The following CDH13 variants were observed in gnomAD, a reference collection of about 807,000 sequenced individuals.
The protein encoded by CDH13 is cadherin-13.
CDH13 carries 24 observed loss-of-function variants against 63.8 expected under a neutral mutation model. That is an observed-to-expected ratio of 0.38 (90% confidence interval 0.27 to 0.53). The LOEUF (loss-of-function observed/expected upper bound fraction) is 0.53. CDH13 is among the 20% of genes least tolerant of loss of function. The pLI is 0.85. For missense variants in CDH13, 1,049 were observed against 903.1 expected, an observed-to-expected ratio of 1.16 and a Z score of -2.07; for synonymous variants, 503 against 355.3, an observed-to-expected ratio of 1.42 and a Z score of -4.67.
intron 7 of CDH13, among the ~76,000 whole-genome samples, chr16:83,489,143 A>G (rs910887216): frequency 1.3e-5 from 2 of 152,192 alleles, no homozygotes; most frequent in Non-Finnish European, 1.5e-5. Context: ...CTTTGTTCTG[A>G]GAGAAAATAT....
chr16:83,205,966 G>T (rs933989184), intron 4 of CDH13, among the ~76,000 whole-genome samples: 2 of 152,126 alleles, frequency 1.3e-5, no homozygotes, highest in South Asian at 2.1e-4. Context: ...GCGAATGTCA[G>T]TGTAGGTTGG....
chr16:83,063,565 G>T (rs1277113519), intron 3 of CDH13, among the ~76,000 whole-genome samples: 1 of 152,232 alleles, frequency 6.6e-6, no homozygotes, highest in East Asian at 1.9e-4. Context: ...TGAAGATATA[G>T]CTGTAGTTAG....
At chr16:82,849,903 C>T (rs142102344) in intron 1 of CDH13, among the ~76,000 whole-genome samples, 16 of 152,324 alleles carry the variant, frequency 1.1e-4, no homozygotes, top group African/African-American at 2.9e-4. Flanking sequence ...TTTAAGCCCA[C>T]TATTGAGAAC....
intron 1 of CDH13, among the ~76,000 whole-genome samples, chr16:82,815,693 C>T (rs1023346021): frequency 5.3e-5 from 8 of 152,152 alleles, no homozygotes; most frequent in Admixed American, 5.2e-4. Flanking sequence ...TTATTTGGAT[C>T]CTCTACCATG....
intron 2 of CDH13, among the ~76,000 whole-genome samples, chr16:82,946,645 C>G (rs1904748448): frequency 6.6e-6 from 1 of 151,656 alleles, no homozygotes; most frequent in South Asian, 2.1e-4. Context: ...TGCTTGAAAC[C>G]AGGAGGTGGA....
chr16:83,433,866 C>G (rs915986499), intron 6 of CDH13, among the ~76,000 whole-genome samples: 3 of 151,770 alleles, frequency 2.0e-5, no homozygotes, highest in Non-Finnish European at 2.9e-5. Flanking sequence ...TTTTTTTTTC[C>G]TCAGTGCAAA....
chr16:82,788,590 T>C (rs62034555), intron 1 of CDH13, among the ~76,000 whole-genome samples: 10,102 of 152,282 alleles, frequency 0.066, 356 homozygotes, highest in Middle Eastern at 0.12. Context: ...ACAACTCTAA[T>C]CTTGGAGCTC....
At chr16:83,489,851 T>A (rs2073970514) in intron 7 of CDH13, among the ~76,000 whole-genome samples, 3 of 152,316 alleles carry the variant, frequency 2.0e-5, no homozygotes, top group East Asian at 1.9e-4. Context: ...AGTATCCCAT[T>A]TGGGACCCTG....
chr16:82,926,323 T>C (rs1443228947), intron 2 of CDH13, among the ~76,000 whole-genome samples: 3 of 152,058 alleles, frequency 2.0e-5, no homozygotes, highest in African/African-American at 7.2e-5. Context: ...AAGACCATTG[T>C]TTTGCAGATC....
At chr16:82,731,379 T>C (rs779957656) in intron 1 of CDH13, among the ~76,000 whole-genome samples, 4 of 152,210 alleles carry the variant, frequency 2.6e-5, no homozygotes, top group Non-Finnish European at 5.9e-5. Flanking sequence ...TGAACTCTAG[T>C]CTAGACTTAC....
chr16:83,302,663 A>G (rs1371653738), intron 5 of CDH13, among the ~76,000 whole-genome samples: 1 of 152,192 alleles, frequency 6.6e-6, no homozygotes, highest in African/African-American at 2.4e-5. Flanking sequence ...CCTGCTTTTA[A>G]GGAGCTCATA....
At chr16:82,896,658 G>A (rs1160815593) in intron 2 of CDH13, among the ~76,000 whole-genome samples, 2 of 151,860 alleles carry the variant, frequency 1.3e-5, no homozygotes, top group African/African-American at 2.4e-5. Context: ...CAAATGAGGT[G>A]GGAGTTGGGA....
At chr16:83,061,642 G>A (rs1189335417) in intron 3 of CDH13, among the ~76,000 whole-genome samples, 1 of 152,214 alleles carries the variant, frequency 6.6e-6, no homozygotes, top group East Asian at 1.9e-4. Flanking sequence ...CACTGAAGTG[G>A]CTCATGCTGC....
chr16:83,692,114 G>A (rs539319412), intron 10 of CDH13, among the ~76,000 whole-genome samples: 10 of 152,218 alleles, frequency 6.6e-5, no homozygotes, highest in Non-Finnish European at 1.0e-4. Flanking sequence ...TGAAGCCAGA[G>A]AAGCGTGCCC....
chr16:83,279,889 A>G (rs1266733750), intron 5 of CDH13, among the ~76,000 whole-genome samples: 1 of 151,846 alleles, frequency 6.6e-6, no homozygotes, highest in South Asian at 2.1e-4. Flanking sequence ...CATTTATACT[A>G]TACTGCAATG....
At chr16:83,026,958 G>A (rs533671532) in intron 2 of CDH13, among the ~76,000 whole-genome samples, 14 of 152,246 alleles carry the variant, frequency 9.2e-5, no homozygotes, top group African/African-American at 3.4e-4. Flanking sequence ...ACGGGGTCCA[G>A]GGGCCAAGGG....
At chr16:83,620,323 G>A (rs1353583985) in intron 8 of CDH13, among the ~76,000 whole-genome samples, 3 of 150,726 alleles carry the variant, frequency 2.0e-5, no homozygotes, top group Non-Finnish European at 2.9e-5. Flanking sequence ...CCCAGGAGGC[G>A]GAGGTTGCAA....
At chr16:83,492,921 C>T (rs546903753) in intron 7 of CDH13, among the ~76,000 whole-genome samples, 54 of 152,278 alleles carry the variant, frequency 3.5e-4, no homozygotes, top group Middle Eastern at 3.4e-3. Context: ...AAGCTAAGAC[C>T]GTGGCTAGTC....
intron 1 of CDH13, among the ~76,000 whole-genome samples, chr16:82,822,784 C>T (rs879159178): frequency 2.6e-5 from 4 of 152,242 alleles, no homozygotes; most frequent in Admixed American, 2.6e-4. Context: ...CATAAGCCAC[C>T]ATGCCCAGTC....
Sources: gnomAD v4.1 joint callset for allele counts (sites outside exome capture counted in the v4.1 genomes callset) on GRCh38, gnomAD v4.1.1 for gene constraint, MANE v1.5 for transcripts, NCBI Gene and HGNC (gene_info 2026-07-23, HGNC 2026-07-21) for gene names.